Variants in NTRK2 observed in about 807,000 individuals in gnomAD.
NTRK2 encodes the protein neurotrophic receptor tyrosine kinase 2.
Under a neutral mutation model 94.5 loss-of-function variants are expected in NTRK2, and 13 were observed. The ratio of observed to expected loss-of-function variants is 0.14; its 90% CI spans 0.09 to 0.22. The LOEUF (loss-of-function observed/expected upper bound fraction) is 0.22, where lower values mean the gene tolerates loss of function less well. Ranked by LOEUF, NTRK2 falls within the 10% of genes least tolerant of loss-of-function variation. The pLI is 1.00. For synonymous variants in NTRK2, 372 were observed against 407.4 expected (o/e 0.91, Z 1.05); for missense variants, 639 against 1,071.2 (o/e 0.60, Z 5.63).
chr9:84,683,635 G>A (rs918154228), intron 2 of NTRK2, among the ~76,000 whole-genome samples: 1 of 152,100 alleles, frequency 6.6e-6, no homozygotes. Flanking sequence ...ATTGTAAATA[G>A]TGCCGCAATA....
chr9:84,791,278 A>C (rs1051206174), intron 12 of NTRK2, among the ~76,000 whole-genome samples: 1 of 152,202 alleles, frequency 6.6e-6, no homozygotes, highest in Admixed American at 6.5e-5. Context: ...CAGAACACCT[A>C]GATTAACTCT....
At chr9:84,710,854 G>A in intron 6 of NTRK2, 63 bp downstream of exon 6, 1 of 1,555,274 alleles carries the variant, frequency 6.4e-7, no homozygotes, top group Non-Finnish European at 8.9e-7. Flanking sequence ...CCTTGGTGCG[G>A]TAGTCTGGGA....
At chr9:84,896,618 A>G (rs1171819304) in intron 14 of NTRK2, among the ~76,000 whole-genome samples, 1 of 152,222 alleles carries the variant, frequency 6.6e-6, no homozygotes, top group Non-Finnish European at 1.5e-5. Flanking sequence ...AGTGCATTGG[A>G]AGGACCTGCT....
chr9:84,768,015 G>A (rs528298915), intron 12 of NTRK2, among the ~76,000 whole-genome samples: 25 of 152,276 alleles, frequency 1.6e-4, no homozygotes, highest in African/African-American at 6.0e-4. Context: ...GGAAACCTAA[G>A]AATGGAAAAT....
At chr9:84,929,622 C>A (rs1052718233) in intron 14 of NTRK2, among the ~76,000 whole-genome samples, 1 of 151,442 alleles carries the variant, frequency 6.6e-6, no homozygotes, top group African/African-American at 2.4e-5. Context: ...AGTGCAGTGG[C>A]ACGATCCCTG....
chr9:84,903,402 G>A (rs2076988521), intron 14 of NTRK2, among the ~76,000 whole-genome samples: 2 of 152,234 alleles, frequency 1.3e-5, no homozygotes, highest in Admixed American at 1.3e-4. Flanking sequence ...GTTTAGAGCT[G>A]GTCATTTGGA....
intron 4 of NTRK2, among the ~76,000 whole-genome samples, chr9:84,702,927 C>A (rs539562473): frequency 6.6e-6 from 1 of 152,298 alleles, no homozygotes; most frequent in South Asian, 2.1e-4. Context: ...ATGGGACATG[C>A]CAAAGGTACA....
intron 14 of NTRK2, among the ~76,000 whole-genome samples, chr9:84,917,420 C>A (rs1564462058): frequency 1.3e-5 from 2 of 152,094 alleles, no homozygotes; most frequent in African/African-American, 4.8e-5. Context: ...CTGGGCCGGG[C>A]AGCTTCTTGG....
chr9:84,896,299 G>A (rs575423427), intron 14 of NTRK2, among the ~76,000 whole-genome samples: 7 of 152,354 alleles, frequency 4.6e-5, no homozygotes, highest in Admixed American at 3.9e-4. Flanking sequence ...GCTCCATGAG[G>A]ATAGAGATAT....
At chr9:84,841,798 C>T (rs2074202004) in intron 12 of NTRK2, among the ~76,000 whole-genome samples, 1 of 152,364 alleles carries the variant, frequency 6.6e-6, no homozygotes, top group Non-Finnish European at 1.5e-5. Flanking sequence ...ATATAAGCTA[C>T]ATTCACGGCA....
intron 6 of NTRK2, among the ~76,000 whole-genome samples, chr9:84,721,014 T>C (rs1173791846): frequency 6.6e-6 from 1 of 152,216 alleles, no homozygotes; most frequent in Non-Finnish European, 1.5e-5. Context: ...AGAAAGCATG[T>C]GTTATAGTTA....
chr9:84,814,615 C>A lies in NTRK2; in HGVS notation c.1397-46425C>A, dbSNP rs141755700. On this transcript the variant is annotated intron_variant, in intron 12 of 18. Transcript: ENST00000277120. Reference sequence around the variant, plus strand: ...GTGCTTTCTTCCTTTGCATGATTTACACCTCCGCCTGTTTTGGTGCTAGCT... The same window carrying A: ...GTGCTTTCTTCCTTTGCATGATTTAAACCTCCGCCTGTTTTGGTGCTAGCT... 3.0e-4 allele frequency: 322 copies of A among 1,065,758 alleles called. No homozygotes were observed. The African/African-American group carries it at 4.8e-3, about 16-fold the overall frequency. 66.0% of individuals were successfully genotyped at this position (1,065,758 alleles called of 1,614,324 possible).
At chr9:84,941,254 T>A (rs954853767) in intron 15 of NTRK2, among the ~76,000 whole-genome samples, 5 of 152,260 alleles carry the variant, frequency 3.3e-5, no homozygotes, top group Non-Finnish European at 5.9e-5. Flanking sequence ...CATGCATGCA[T>A]GCAGGAGTGC....
intron 6 of NTRK2, among the ~76,000 whole-genome samples, chr9:84,712,617 GTTC>G (rs1333097654): frequency 6.6e-6 from 1 of 152,050 alleles, no homozygotes; most frequent in Non-Finnish European, 1.5e-5. Context: ...TCGTTTTTGT[GTTC>G]TTAACTGTTT....
chr9:84,720,017 CAAAA>C (rs57132074), intron 6 of NTRK2, among the ~76,000 whole-genome samples: 13 of 87,746 alleles, frequency 1.5e-4, no homozygotes, highest in South Asian at 4.2e-4. Context: ...AAGACTATCT[CAAAA>C]AAAAAAAAAA....
intron 17 of NTRK2, among the ~76,000 whole-genome samples, chr9:85,014,386 G>A (rs577335342): frequency 2.0e-5 from 3 of 152,304 alleles, no homozygotes; most frequent in South Asian, 4.1e-4. Flanking sequence ...CGTGTGCCAA[G>A]GATAGCAAAC....
chr9:84,683,043 A>G (rs2059491103), intron 2 of NTRK2, among the ~76,000 whole-genome samples: 1 of 152,084 alleles, frequency 6.6e-6, no homozygotes, highest in Non-Finnish European at 1.5e-5. Context: ...ATCCCACCCT[A>G]ATGATGTAAT....
At chr9:84,967,272 G>A (rs868209253) in intron 17 of NTRK2, among the ~76,000 whole-genome samples, 4 of 152,152 alleles carry the variant, frequency 2.6e-5, no homozygotes, top group Non-Finnish European at 4.4e-5. Flanking sequence ...CCCCTGCCCC[G>A]CAACCCCTCT....
At chr9:84,759,981 G>A (rs1588422054) in intron 12 of NTRK2, among the ~76,000 whole-genome samples, 1 of 152,168 alleles carries the variant, frequency 6.6e-6, no homozygotes, top group East Asian at 1.9e-4. Context: ...AAATGACTAT[G>A]GGAATACATT....
Sources: gnomAD v4.1 joint callset for allele counts (sites outside exome capture counted in the v4.1 genomes callset) on GRCh38, gnomAD v4.1.1 for gene constraint, MANE v1.5 for transcripts, NCBI Gene and HGNC (gene_info 2026-07-23, HGNC 2026-07-21) for gene names.